The following LMO1 variants were observed in gnomAD, a reference collection of about 807,000 sequenced individuals.
The protein encoded by LMO1 is LIM domain only 1, also known as rhombotin-1.
In LMO1, 10 loss-of-function variants were observed where a neutral mutation model predicts 18.0. The ratio of observed to expected loss-of-function variants is 0.55; its 90% CI spans 0.34 to 0.94. The LOEUF (loss-of-function observed/expected upper bound fraction) is 0.94, where lower values mean the gene tolerates loss of function less well. Among genes scored for constraint, LMO1 ranks in the 40% least tolerant of loss-of-function variants. The pLI, the probability that LMO1 is intolerant of heterozygous loss-of-function variation, is 0.02. For synonymous variants in LMO1, 77 were observed against 77.9 expected (o/e 0.99, Z 0.06); for missense variants, 183 against 205.7 (o/e 0.89, Z 0.68).
At position 8,241,600 on chromosome 11, in the gene LMO1, C is replaced by T. The variant is rs562131610; in HGVS notation, c.26-11096G>A. Among the ~76,000 whole-genome samples the T allele has an allele frequency of 9.2e-5, 14 of 152,332 alleles. 1 individual carries two copies. The South Asian group carries it at 2.9e-3, about 32-fold the overall frequency. Reference sequence around the variant, plus strand: ...GCTATTACCTTCCCAGAACACCCTTCCCTGCCTCTGCCTCTGCATATACTT... The same window carrying T: ...GCTATTACCTTCCCAGAACACCCTTTCCTGCCTCTGCCTCTGCATATACTT... On this transcript the variant is annotated intron_variant, in intron 1 of 3. Coordinates refer to ENST00000335790, the MANE Select transcript of LMO1 (RefSeq NM_002315.3).
At position 8,253,151 on chromosome 11, in the gene LMO1, G is replaced by T. The variant is rs926988698; in HGVS notation, c.25+10187C>A. On this transcript the variant is annotated intron_variant, in intron 1 of 3. Transcript: ENST00000335790. ...GCCCTACCCAGGCCCCCTGCCCTCA[G>T]CTGGGCAGACGAGGAAAGTGGGAGA... Among the ~76,000 whole-genome samples, 5 of 152,206 alleles carry T rather than the reference G, an allele frequency of 3.3e-5. No individual in the cohort carries two copies. In the South Asian group the frequency reaches 8.3e-4, roughly 25 times the overall value.
In LMO1 at chr11:8,255,349, A is replaced by T. The variant is rs545724297; in HGVS notation, c.25+7989T>A. ...TAATGAAATCTCATCTCTACAAAAA[A>T]TACGAAAATTAGCTAGGCATGGTGA... On this transcript the variant is annotated intron_variant, in intron 1 of 3. Coordinates refer to ENST00000335790, the MANE Select transcript of LMO1 (RefSeq NM_002315.3). 5.3e-5 allele frequency among the ~76,000 whole-genome samples: 8 copies of T among 152,324 alleles called. No individual in the cohort carries two copies. The East Asian group carries it at 1.5e-3, about 29-fold the overall frequency.
chr11:8,268,622 G>T (rs1000731711), upstream of LMO1: 18 of 373,120 alleles, frequency 4.8e-5, no homozygotes, highest in African/African-American at 3.8e-4. Flanking sequence ...AGCCCCGCGG[G>T]CAGGGAGCGC....
intron 1 of LMO1, among the ~76,000 whole-genome samples, chr11:8,251,068 G>T (rs773648715): frequency 1.3e-5 from 2 of 152,156 alleles, no homozygotes; most frequent in African/African-American, 2.4e-5. Context: ...AACCCCAGAA[G>T]TCCAGTGAAA....
chr11:8,267,004 C>G (rs936942430), upstream of LMO1, among the ~76,000 whole-genome samples: 11 of 152,228 alleles, frequency 7.2e-5, no homozygotes, highest in Non-Finnish European at 1.0e-4. Context: ...TCCCTTCCCC[C>G]TGCTTACACA....
At chr11:8,267,944 T>C (rs903107426), upstream of LMO1, among the ~76,000 whole-genome samples, 9 of 152,170 alleles carry the variant, frequency 5.9e-5, no homozygotes, top group African/African-American at 2.2e-4. Flanking sequence ...GACGGCACCC[T>C]CACCCCTGCA....
chr11:8,231,802 C>T (rs1002653228), intron 1 of LMO1, among the ~76,000 whole-genome samples: 3 of 152,166 alleles, frequency 2.0e-5, no homozygotes, highest in African/African-American at 7.2e-5. Flanking sequence ...ATTCCCAGCC[C>T]TCCTCACTGC....
chr11:8,240,898 C>T (rs775424230), intron 1 of LMO1, among the ~76,000 whole-genome samples: 2 of 151,724 alleles, frequency 1.3e-5, no homozygotes, highest in Non-Finnish European at 2.9e-5. Flanking sequence ...CTCTCACAGC[C>T]TCACATAATT....
At chr11:8,255,765 A>T (rs1047767500) in intron 1 of LMO1, among the ~76,000 whole-genome samples, 2 of 151,022 alleles carry the variant, frequency 1.3e-5, no homozygotes, top group Non-Finnish European at 2.9e-5. Flanking sequence ...ATTTTAGGGT[A>T]ACTGATTACA....
In LMO1 at chr11:8,229,240, C is replaced by G. The variant is rs549487629; in HGVS notation, c.239+1051G>C. On this transcript the variant is annotated intron_variant, in intron 2 of 3. Coordinates refer to ENST00000335790, the MANE Select transcript of LMO1 (RefSeq NM_002315.3). The stretch of plus-strand genomic sequence containing the variant: ...TGGTCTCAGCCTCTCCCCTCCAGCC[C>G]TGGCAAGGAGCACTAAGTCACAGCT... Among the ~76,000 whole-genome samples the G allele has an allele frequency of 3.9e-5, 6 of 152,298 alleles. No homozygotes were observed. The East Asian group carries it at 1.2e-3, about 29-fold the overall frequency.
upstream of LMO1, among the ~76,000 whole-genome samples, chr11:8,265,255 G>A (rs916844991): frequency 6.6e-6 from 1 of 152,170 alleles, no homozygotes; most frequent in South Asian, 2.1e-4. Flanking sequence ...TGCTGTGGGG[G>A]TCAGATGAGC....
intron 2 of LMO1, among the ~76,000 whole-genome samples, chr11:8,229,297 T>C (rs907725169): frequency 1.3e-5 from 2 of 152,136 alleles, no homozygotes; most frequent in African/African-American, 4.8e-5. Context: ...TAAATGCAGG[T>C]GTTAAAAGGG....
intron 1 of LMO1, 119 bp downstream of exon 1, chr11:8,263,219 G>A (rs1205289641): frequency 1.6e-5 from 14 of 892,558 alleles, no homozygotes; most frequent in South Asian, 3.3e-5. Flanking sequence ...CGCGCCGCCC[G>A]CCCCGCAATC....
chr11:8,238,446 C>T (rs1952799186), intron 1 of LMO1, among the ~76,000 whole-genome samples: 2 of 151,954 alleles, frequency 1.3e-5, no homozygotes, highest in African/African-American at 2.4e-5. Context: ...CTGAGGTAGG[C>T]GGATCATGAG....
Position 8,236,732 on chromosome 11 carries a change from G to A in LMO1, c.26-6228C>T, listed in dbSNP as rs542487362. 6.6e-5 allele frequency among the ~76,000 whole-genome samples: 10 copies of A among 152,224 alleles called. No individual in the cohort carries two copies. The South Asian group carries it at 1.9e-3, about 28-fold the overall frequency. On this transcript the variant is annotated intron_variant, in intron 1 of 3. Coordinates refer to ENST00000335790, the MANE Select transcript of LMO1 (RefSeq NM_002315.3). ...ACGTACACTAGGTCCATGTGAGGAGGGACTGTGTCTGTTTTATTCTCCCCA... is the reference window on the plus strand; with the variant it reads ...ACGTACACTAGGTCCATGTGAGGAGAGACTGTGTCTGTTTTATTCTCCCCA...
chr11:8,261,462 C>T (rs1183453493), intron 1 of LMO1, among the ~76,000 whole-genome samples: 1 of 152,220 alleles, frequency 6.6e-6, no homozygotes, highest in East Asian at 1.9e-4. Context: ...AGAGCAAGAT[C>T]CTGGGTGCAG....
At chr11:8,250,939 T>C (rs1462355417) in intron 1 of LMO1, among the ~76,000 whole-genome samples, 3 of 152,186 alleles carry the variant, frequency 2.0e-5, no homozygotes, top group East Asian at 1.9e-4. Flanking sequence ...TACCTCCTAA[T>C]TGAGACTCTA....
intron 1 of LMO1, among the ~76,000 whole-genome samples, chr11:8,248,519 C>T (rs908917652): frequency 1.3e-5 from 2 of 152,360 alleles, no homozygotes; most frequent in South Asian, 4.1e-4. Flanking sequence ...AGAGGCAAGA[C>T]CTTAGGCATA....
chr11:8,268,363 G>A (rs1847282218), upstream of LMO1: 15 of 1,405,494 alleles, frequency 1.1e-5, no homozygotes, highest in Admixed American at 2.4e-5. Context: ...CAGGGCCAGC[G>A]CCGCAGTCTC....
Sources: gnomAD v4.1 joint callset for allele counts (sites outside exome capture counted in the v4.1 genomes callset) on GRCh38, gnomAD v4.1.1 for gene constraint, MANE v1.5 for transcripts, NCBI Gene and HGNC (gene_info 2026-07-23, HGNC 2026-07-21) for gene names.